Variants in MTUS2 observed in about 807,000 individuals in gnomAD.
The protein encoded by MTUS2 is microtubule-associated tumor suppressor candidate 2.
Under a neutral mutation model 114.1 loss-of-function variants are expected in MTUS2, and 40 were observed. The observed-to-expected ratio is 0.35, with a 90% CI of 0.27 to 0.46. MTUS2 has a LOEUF of 0.46. Among genes scored for constraint, MTUS2 ranks in the 20% least tolerant of loss-of-function variants. The pLI is 1.00. For missense variants in MTUS2, 1,679 were observed against 1,705.4 expected (o/e 0.98, Z 0.27); for synonymous variants, 688 against 672.0 (o/e 1.02, Z -0.37).
rs186244355 is a variant in MTUS2 at position 28,882,262 on chromosome 13, C to T, written c.-243+42412C>T. 2.4e-3 allele frequency among the ~76,000 whole-genome samples: 362 copies of T among 152,190 alleles called. 3 individuals carry two copies. The highest frequency in any genetic ancestry group is 4.3e-3 in the Non-Finnish European group (290 of 67,998). On this transcript the variant is annotated intron_variant, in intron 2 of 15. Transcript: ENST00000612955. ...TTAGTAGGGGCAGGTTGGCCAGGCT[C>T]ATCTCAAACTTCTGACTTCAAGTGA...
intron 2 of MTUS2, among the ~76,000 whole-genome samples, chr13:29,022,773 A>G (rs942049639): frequency 6.6e-6 from 1 of 152,234 alleles, no homozygotes; most frequent in Admixed American, 6.5e-5. Flanking sequence ...AAACAATGTC[A>G]ACCTTGAATA....
chr13:29,001,450 G>A (rs1239082395), intron 2 of MTUS2, among the ~76,000 whole-genome samples: 1 of 152,170 alleles, frequency 6.6e-6, no homozygotes, highest in East Asian at 1.9e-4. Context: ...GCGAGAGAAA[G>A]GAGGAGTCAG....
rs143331921 is a variant in MTUS2, at chr13:29,166,002, A to C, written c.2644+65032A>C. Among the ~76,000 whole-genome samples, 475 of 152,292 alleles carry C rather than the reference A, an allele frequency of 3.1e-3. 2 individuals carry two copies. Among genetic ancestry groups the C allele is most frequent in the African/African-American group, 0.01 (431 of 41,562 alleles). Reference sequence around the variant, plus strand: ...GGAGGAAGGTGAGTGTGGTTTTAAAAGGGAAGTGTGAGAGATCCTTGTCGT... The same window carrying C: ...GGAGGAAGGTGAGTGTGGTTTTAAACGGGAAGTGTGAGAGATCCTTGTCGT... On this transcript the variant is annotated intron_variant, in intron 5 of 15. Coordinates refer to ENST00000612955, the MANE Select transcript of MTUS2 (RefSeq NM_001033602.4).
intron 2 of MTUS2, among the ~76,000 whole-genome samples, chr13:28,983,058 C>G (rs774766442): frequency 1.2e-4 from 19 of 152,034 alleles, no homozygotes; most frequent in Middle Eastern, 3.2e-3. Flanking sequence ...ACCATAAAAC[C>G]ATAATCTTAA....
chr13:29,198,133 A>G (rs1187122626), intron 5 of MTUS2, among the ~76,000 whole-genome samples: 1 of 152,058 alleles, frequency 6.6e-6, no homozygotes, highest in East Asian at 1.9e-4. Context: ...TTAGTCATGA[A>G]GTTTTTGCCC....
chr13:28,835,522 T>C (rs949815420), intron 1 of MTUS2, among the ~76,000 whole-genome samples: 1 of 152,166 alleles, frequency 6.6e-6, no homozygotes, highest in African/African-American at 2.4e-5. Context: ...GAGTATCTGC[T>C]AATGGTCTGG....
intron 5 of MTUS2, among the ~76,000 whole-genome samples, chr13:29,216,427 A>T (rs555435483): frequency 1.9e-4 from 29 of 152,292 alleles, no homozygotes; most frequent in African/African-American, 5.8e-4. Context: ...GGATACGAAA[A>T]GAAACTCCCG....
At chr13:29,500,018 T>G (rs1447578800) in intron 14 of MTUS2, among the ~76,000 whole-genome samples, 1 of 152,230 alleles carries the variant, frequency 6.6e-6, no homozygotes, top group East Asian at 1.9e-4. Flanking sequence ...CCTTGCAGCC[T>G]TGCCAGTGTG....
chr13:29,375,903 C>T (rs965024733), intron 8 of MTUS2, among the ~76,000 whole-genome samples: 1 of 151,558 alleles, frequency 6.6e-6, no homozygotes. Flanking sequence ...GTACACTACT[C>T]AGGTGATGGG....
chr13:29,368,942 A>C (rs750690176), intron 8 of MTUS2, among the ~76,000 whole-genome samples: 8 of 152,136 alleles, frequency 5.3e-5, no homozygotes, highest in Non-Finnish European at 8.8e-5. Flanking sequence ...CCAGGTAAGG[A>C]GCAGTAGGCC....
chr13:29,141,452 T>C (rs1593521354), intron 5 of MTUS2, among the ~76,000 whole-genome samples: 1 of 152,100 alleles, frequency 6.6e-6, no homozygotes, highest in Middle Eastern at 3.4e-3. Context: ...GTTGGAGAGG[T>C]GCAGATAATT....
intron 8 of MTUS2, among the ~76,000 whole-genome samples, chr13:29,389,497 A>ATG (rs1873027487): frequency 3.7e-5 from 4 of 108,584 alleles, no homozygotes; most frequent in Non-Finnish European, 6.2e-5. Flanking sequence ...GTATGTGTAT[A>ATG]TATGTATACA....
chr13:28,899,694 G>A (rs1461355189), intron 2 of MTUS2, among the ~76,000 whole-genome samples: 1 of 152,006 alleles, frequency 6.6e-6, no homozygotes, highest in East Asian at 1.9e-4. Flanking sequence ...ACAGGTGTGA[G>A]CCACCATGCC....
intron 5 of MTUS2, among the ~76,000 whole-genome samples, chr13:29,264,481 C>A (rs1897595201): frequency 6.6e-6 from 1 of 152,248 alleles, no homozygotes; most frequent in African/African-American, 2.4e-5. Flanking sequence ...ATGCTCCAAC[C>A]CCACATTTCC....
intron 2 of MTUS2, among the ~76,000 whole-genome samples, chr13:28,916,358 G>A (rs1217427227): frequency 1.3e-5 from 2 of 151,808 alleles, no homozygotes; most frequent in Non-Finnish European, 3.0e-5. Context: ...TTTGATAGGG[G>A]TTGCATTGAA....
chr13:29,027,166 T>G (rs959056535), intron 3 of MTUS2, among the ~76,000 whole-genome samples: 1 of 152,236 alleles, frequency 6.6e-6, no homozygotes, highest in Admixed American at 6.5e-5. Context: ...ATAATTCATA[T>G]GAAATTAGAT....
At chr13:29,419,474 C>G (rs1875921432) in intron 8 of MTUS2, among the ~76,000 whole-genome samples, 1 of 152,144 alleles carries the variant, frequency 6.6e-6, no homozygotes, top group Non-Finnish European at 1.5e-5. Flanking sequence ...GTGGGGAGAC[C>G]AGTTCTGCCA....
In MTUS2 at chr13:29,504,915, G is replaced by T; in HGVS notation, c.*1709G>T. 1 of 232,516 alleles carries T rather than the reference G, an allele frequency of 4.3e-6. No individual in the cohort carries two copies. Among genetic ancestry groups the T allele is most frequent in the Non-Finnish European group, 8.5e-6 (1 of 117,604 alleles). The allele number at this position is 232,516 out of a possible 1,614,324, so 14.4% of individuals were successfully genotyped here. A position where few individuals can be genotyped will look rare whatever the true frequency, so the allele number is the denominator to read the frequency against. ...GGGTCGGCTTGTCCAGGGCACGCCT[G>T]CTCGGCACACGTGTTGCCAACGTGA... On this transcript the variant is annotated 3_prime_UTR_variant, in exon 16 of 16. Coordinates refer to ENST00000612955, the MANE Select transcript of MTUS2 (RefSeq NM_001033602.4).
chr13:29,105,901 G>A (rs898613666), intron 5 of MTUS2, among the ~76,000 whole-genome samples: 1 of 152,144 alleles, frequency 6.6e-6, no homozygotes, highest in African/African-American at 2.4e-5. Context: ...ATCTTTGGTA[G>A]GGGAGCGGTG....
Sources: gnomAD v4.1 joint callset for allele counts (sites outside exome capture counted in the v4.1 genomes callset) on GRCh38, gnomAD v4.1.1 for gene constraint, MANE v1.5 for transcripts, NCBI Gene and HGNC (gene_info 2026-07-23, HGNC 2026-07-21) for gene names.